The following SVIL variants were observed in gnomAD, a reference collection of about 807,000 sequenced individuals.
SVIL encodes the protein supervillin.
In SVIL, 101 loss-of-function variants were observed where a neutral mutation model predicts 240.4. The ratio of observed to expected loss-of-function variants is 0.42; its 90% confidence interval spans 0.36 to 0.50. The LOEUF is 0.50. Among genes scored for constraint, SVIL ranks in the 20% least tolerant of loss-of-function variants. The pLI is 0.01. For synonymous variants in SVIL, 999 were observed against 1,100.0 expected, an observed-to-expected ratio of 0.91 and a Z score of 1.82; for missense variants, 2,512 against 2,818.7, an observed-to-expected ratio of 0.89 and a Z score of 2.46.
intron 1 of SVIL, among the ~76,000 whole-genome samples, chr10:29,581,079 TCTACTATAAG>T (rs1456041359): frequency 4.6e-5 from 7 of 152,302 alleles, no homozygotes; most frequent in South Asian, 2.1e-4. Flanking sequence ...TTTAATGAAA[TCTACTATAAG>T]CTACTAATGA....
chr10:29,494,839 G>T lies in SVIL; in HGVS notation c.3841+75C>A. 5 of 1,423,016 alleles carry T rather than the reference G, an allele frequency of 3.5e-6. No homozygotes were observed. In the Admixed American group the frequency reaches 5.8e-5, roughly 17 times the overall value. The allele number at this position is 1,423,016 out of a possible 1,614,324, so 88.1% of individuals were successfully genotyped here. A position where few individuals can be genotyped will look rare whatever the true frequency, so the allele number is the denominator to read the frequency against. On this transcript the variant is annotated intron_variant, in intron 20 of 37. Coordinates refer to ENST00000355867, the MANE Select transcript of SVIL (RefSeq NM_021738.3). Reference sequence around the variant, plus strand: ...GTCTTGACCAAAACTTCTTTTTTTTGGCTGAGGAAGAAAAGCAATCAGAAT... The same window carrying T: ...GTCTTGACCAAAACTTCTTTTTTTTTGCTGAGGAAGAAAAGCAATCAGAAT...
intron 1 of SVIL, among the ~76,000 whole-genome samples, chr10:29,586,996 C>G (rs1445732656): frequency 6.6e-6 from 1 of 152,200 alleles, no homozygotes; most frequent in East Asian, 1.9e-4. Context: ...CCCCATAACA[C>G]ATGTTTACCT....
chr10:29,486,113 G>A lies in SVIL; in HGVS notation c.4751C>T (p.Pro1584Leu), dbSNP rs760195587. ...TTTGGGTTGCAGAAGGGAGCACTTCGGAATTTTCCCCCAGTAGTCGTCATC... is the reference window on the plus strand; with the variant it reads ...TTTGGGTTGCAGAAGGGAGCACTTCAGAATTTTCCCCCAGTAGTCGTCATC... ...VPDDDYWGKI[P>L]KCSLLQPKEV... The change falls in exon 26 of 38, where the codon CCG (proline) becomes CTG (leucine). Residue 1584 changes from proline to leucine, a missense_variant. Pro to Leu is a moderately conservative substitution (Grantham distance 98, BLOSUM62 -3). This residue lies in a region of SVIL where 797 missense variants were observed against 925.3 expected (regional missense o/e 0.86). Transcript: ENST00000355867. The A allele has an allele frequency of 3.5e-5, 56 of 1,614,080 alleles. No homozygotes were observed. The East Asian group carries it at 4.9e-4, about 14-fold the overall frequency.
intron 27 of SVIL, among the ~76,000 whole-genome samples, chr10:29,482,052 A>T (rs1946938719): frequency 7.9e-6 from 1 of 125,972 alleles, no homozygotes; most frequent in African/African-American, 3.0e-5. Flanking sequence ...TTTTAGAGAT[A>T]AGGTCTTGTT....
Position 29,632,490 on chromosome 10 carries a change from CAAAAAA to C in SVIL, c.-201+1924_-201+1929del, listed in dbSNP as rs372500753. 1.0e-3 allele frequency among the ~76,000 whole-genome samples: 98 copies of C among 95,010 alleles called. No individual in the cohort carries two copies. In the South Asian group the frequency reaches 0.018, roughly 18 times the overall value. 62.3% of individuals were successfully genotyped at this position (95,010 alleles called of 152,430 possible). ...TGGGCAACAGAGCAAGACTCCATCT[CAAAAAA>C]AAAAAAAAGAAAAAAGAAAAAAAGA... On this transcript the variant is annotated intron_variant, in intron 1 of 37. Coordinates refer to ENST00000355867, the MANE Select transcript of SVIL (RefSeq NM_021738.3).
At chr10:29,678,311 G>C (rs1960359405) in intron 2 of SVIL, among the ~76,000 whole-genome samples, 1 of 151,810 alleles carries the variant, frequency 6.6e-6, no homozygotes, top group South Asian at 2.1e-4. Flanking sequence ...GAGAGATAGT[G>C]ACAGATCATC....
intron 1 of SVIL, among the ~76,000 whole-genome samples, chr10:29,574,361 C>A (rs1276940840): frequency 6.6e-6 from 1 of 152,042 alleles, no homozygotes; most frequent in Non-Finnish European, 1.5e-5. Flanking sequence ...CACATCACAC[C>A]ACACCATGGT....
At chr10:29,595,608 G>T (rs989916814) in intron 1 of SVIL, among the ~76,000 whole-genome samples, 1 of 152,220 alleles carries the variant, frequency 6.6e-6, no homozygotes, top group Non-Finnish European at 1.5e-5. Flanking sequence ...AAACAAAATA[G>T]CTTTTGGGTA....
Position 29,735,334 on chromosome 10 carries a change from T to A in SVIL, c.-400+417A>T, listed in dbSNP as rs1040593298. Among the ~76,000 whole-genome samples, 3 of 150,946 alleles carry A rather than the reference T, an allele frequency of 2.0e-5. No homozygotes were observed. The highest frequency in any genetic ancestry group is 4.4e-5 in the Non-Finnish European group (3 of 67,626). On this transcript the variant is annotated intron_variant, in intron 1 of 35. Transcript: ENST00000375400. This position sits in a 1 kb window ranked among gnomAD's most constrained non-coding sequence, Gnocchi z 4.1. ...GAACCGGGCGATGTCGTAGTTCTGA[T>A]CACTGGCGCGCCACTCCCCGGGCCA...
At chr10:29,712,481 A>G (rs539429239) in intron 1 of SVIL, among the ~76,000 whole-genome samples, 67 of 152,176 alleles carry the variant, frequency 4.4e-4, no homozygotes, top group Non-Finnish European at 7.5e-4. Flanking sequence ...TGCACATGCC[A>G]GCTCCTCTCT....
intron 30 of SVIL, chr10:29,473,583 T>A: frequency 1.9e-6 from 1 of 538,166 alleles, no homozygotes; most frequent in Non-Finnish European, 3.3e-6. Context: ...CCATTGGCCA[T>A]CTGCACTTGT....
intron 1 of SVIL, among the ~76,000 whole-genome samples, chr10:29,717,252 A>AAG (rs1963683046): frequency 2.0e-5 from 3 of 148,408 alleles, no homozygotes; most frequent in Non-Finnish European, 4.5e-5. Flanking sequence ...AAAAAAAAAA[A>AAG]AAAAAAAAAA....
chr10:29,674,940 G>T (rs745571871), intron 2 of SVIL, among the ~76,000 whole-genome samples: 23 of 152,234 alleles, frequency 1.5e-4, no homozygotes, highest in Non-Finnish European at 3.1e-4. Flanking sequence ...CACTTCCGAG[G>T]ACCTTTGCGA....
intron 3 of SVIL, chr10:29,643,853 G>A (rs563944388): frequency 2.5e-6 from 1 of 400,056 alleles, no homozygotes; most frequent in Non-Finnish European, 5.1e-6. Flanking sequence ...TGGGTGTGTA[G>A]CAGAGCTCAA....
In SVIL at chr10:29,533,478, T is replaced by C; in HGVS notation, c.909-20A>G. The C allele has an allele frequency of 6.2e-7, 1 of 1,602,700 alleles. No individual in the cohort carries two copies. Among genetic ancestry groups the C allele is most frequent in the South Asian group, 1.1e-5 (1 of 89,894 alleles). On this transcript the variant is annotated intron_variant, in intron 7 of 37. Coordinates refer to ENST00000355867, the MANE Select transcript of SVIL (RefSeq NM_021738.3). ...TTAACTCTTTAAGAAAGAAAAAGGA[T>C]TTAAGTTGCAAAGTGCAGTAACGGC...
chr10:29,622,508 A>C (rs1417707125), intron 1 of SVIL, among the ~76,000 whole-genome samples: 1 of 152,190 alleles, frequency 6.6e-6, no homozygotes, highest in Non-Finnish European at 1.5e-5. Flanking sequence ...GAAGGAATGA[A>C]TAAATAATGA....
Position 29,523,831 on chromosome 10 carries a change from G to A in SVIL, c.2783C>T (p.Ser928Leu), listed in dbSNP as rs148261163. 8.1e-6 allele frequency: 13 copies of A among 1,614,022 alleles called. No individual in the cohort carries two copies. The African/African-American group carries it at 1.1e-4, about 13-fold the overall frequency. Reference sequence around the variant, plus strand: ...CTCTACCAAAGGCTGCCAAGCTTGCGATTTCAGAATGCTTCTAACTGGAGA... The same window carrying A: ...CTCTACCAAAGGCTGCCAAGCTTGCAATTTCAGAATGCTTCTAACTGGAGA... ...SDSPVRSILK[S>L]QAWQPLVEGS... Residue 928 changes from serine (S) to leucine (L), a missense_variant, in exon 15 of 38, where the codon TCG becomes TTG. By Grantham distance (145) the Ser-to-Leu change is moderately radical. This residue lies in a region of SVIL where 1,443 missense variants were observed against 1,486.6 expected (regional missense o/e 0.97). Coordinates refer to ENST00000355867, the MANE Select transcript of SVIL (RefSeq NM_021738.3).
At chr10:29,465,491 C>G in intron 34 of SVIL, 104 bp downstream of exon 34, 1 of 1,413,012 alleles carries the variant, frequency 7.1e-7, no homozygotes, top group Non-Finnish European at 9.5e-7. Flanking sequence ...TGGGAATGTA[C>G]TTGGCAAACA....
intron 2 of SVIL, among the ~76,000 whole-genome samples, chr10:29,684,702 T>C (rs1346686028): frequency 6.6e-6 from 1 of 152,128 alleles, no homozygotes; most frequent in African/African-American, 2.4e-5. Context: ...AGCCAATCTC[T>C]TCAGTATTAG....
Sources: allele counts gnomAD v4.1 joint callset (sites outside exome capture counted in the v4.1 genomes callset), GRCh38; gene constraint gnomAD v4.1.1; regional missense constraint gnomAD v4.1.1; non-coding constraint Gnocchi (gnomAD v3.1); transcripts MANE v1.5; gene names NCBI Gene and HGNC (gene_info 2026-07-23, HGNC 2026-07-21).